Variants in STAU1 observed in about 807,000 individuals in gnomAD.
STAU1 encodes staufen double-stranded RNA binding protein 1.
STAU1 carries 13 observed loss-of-function variants against 62.9 expected under a neutral mutation model. That is an observed-to-expected ratio of 0.21 (90% confidence interval 0.13 to 0.33). The LOEUF is 0.33. STAU1 is among the 10% of genes least tolerant of loss of function. The probability of loss-of-function intolerance (pLI) is 1.00; values close to 1 mark genes in which losing one functional copy is unlikely to be tolerated. For synonymous variants in STAU1, 269 were observed against 265.1 expected (o/e 1.01, Z -0.14); for missense variants, 571 against 712.1 (o/e 0.80, Z 2.25).
In STAU1 at chr20:49,117,105, C is replaced by T; in HGVS notation, c.1632+21G>A. On this transcript the variant is annotated intron_variant, in intron 12 of 13. Coordinates refer to ENST00000371856, the MANE Select transcript of STAU1 (RefSeq NM_017453.4). The surrounding 1 kb of genome is among the most constrained non-coding windows in gnomAD (Gnocchi z 4.6). ...ACATAAACACACAACACCCCAATCCCTCACCCAAGGTGTGACGTACCATAT... is the reference window on the plus strand; with the variant it reads ...ACATAAACACACAACACCCCAATCCTTCACCCAAGGTGTGACGTACCATAT... The T allele has an allele frequency of 6.2e-7, 1 of 1,613,474 alleles. No homozygotes were observed. The highest frequency in any genetic ancestry group is 8.5e-7 in the Non-Finnish European group (1 of 1,179,644).
chr20:49,184,481 A>G (rs2146617903), intron 1 of STAU1, among the ~76,000 whole-genome samples: 1 of 152,270 alleles, frequency 6.6e-6, no homozygotes, highest in Non-Finnish European at 1.5e-5. Flanking sequence ...GGAAATCAAG[A>G]GTACCCAGAG....
At chr20:49,164,460 AT>A (rs34364571) in intron 3 of STAU1, among the ~76,000 whole-genome samples, 177 of 145,700 alleles carry the variant, frequency 1.2e-3, no homozygotes, top group African/African-American at 3.7e-3. Context: ...CAATTTTTGT[AT>A]TTTTTTTTTT....
chr20:49,166,823 T>G (rs1310369268), intron 2 of STAU1, among the ~76,000 whole-genome samples: 1 of 152,154 alleles, frequency 6.6e-6, no homozygotes, highest in African/African-American at 2.4e-5. Flanking sequence ...TTTCTTTTTC[T>G]TTATGGTGAT....
At chr20:49,181,007 C>T (rs1328291079) in intron 1 of STAU1, among the ~76,000 whole-genome samples, 2 of 152,164 alleles carry the variant, frequency 1.3e-5, no homozygotes, top group Non-Finnish European at 2.9e-5. Flanking sequence ...GCCAGACCAG[C>T]CTGTGCTCTA....
chr20:49,150,366 ATT>A (rs11475781), intron 5 of STAU1, among the ~76,000 whole-genome samples: 6 of 145,182 alleles, frequency 4.1e-5, no homozygotes, highest in South Asian at 2.2e-4. Context: ...TTTTACCTCC[ATT>A]TTTTTTTTTT....
At chr20:49,182,357 G>T (rs745571576) in intron 1 of STAU1, among the ~76,000 whole-genome samples, 6 of 152,116 alleles carry the variant, frequency 3.9e-5, no homozygotes, top group Non-Finnish European at 8.8e-5. Context: ...CTGCAGTAAG[G>T]TTTTCTAGTT....
the STAU1 span, among the ~76,000 whole-genome samples, chr20:49,203,630 C>T: frequency 6.6e-6 from 1 of 152,126 alleles, no homozygotes; most frequent in African/African-American, 2.4e-5. Flanking sequence ...TTTAAATATG[C>T]ATATATAATT....
intron 2 of STAU1, among the ~76,000 whole-genome samples, chr20:49,172,990 G>A (rs368306834): frequency 4.7e-5 from 7 of 150,104 alleles, no homozygotes; most frequent in African/African-American, 1.7e-4. Context: ...CCATTCTCCC[G>A]CCCCCCAACA....
chr20:49,211,657 G>A, the STAU1 span, among the ~76,000 whole-genome samples: 3 of 151,914 alleles, frequency 2.0e-5, no homozygotes, highest in Non-Finnish European at 2.9e-5. Context: ...AGAGGCACAT[G>A]ACACCACACC....
At chr20:49,177,892 A>C (rs948898827) in intron 1 of STAU1, among the ~76,000 whole-genome samples, 4 of 152,072 alleles carry the variant, frequency 2.6e-5, no homozygotes, top group Non-Finnish European at 4.4e-5. Context: ...ACAAACATTC[A>C]TGTTTTGGCC....
In STAU1 at chr20:49,120,055, T is replaced by G. The variant is rs772776840; in HGVS notation, c.1040A>C (p.Asn347Thr). 1 of 1,614,196 alleles carries G rather than the reference T, an allele frequency of 6.2e-7. No homozygotes were observed. The highest frequency in any genetic ancestry group is 8.5e-7 in the Non-Finnish European group (1 of 1,180,030). ...TTTGAAACCAAGGATCTCCAGCATG[T>G]TCTCGGCTGCATTGCGCTTGGCCAC... ...KKVAKRNAAE[N>T]MLEILGFKVP... The change falls in exon 9 of 14, where the codon AAC becomes ACC. Residue 347 changes from asparagine (N) to threonine (T), a missense_variant. Transcript: ENST00000371856.
chr20:49,170,170 G>C (rs1021015467), intron 2 of STAU1, among the ~76,000 whole-genome samples: 2 of 152,140 alleles, frequency 1.3e-5, no homozygotes, highest in African/African-American at 2.4e-5. Flanking sequence ...AGACCATACT[G>C]AGCACAGTCC....
intron 3 of STAU1, chr20:49,159,148 T>TAAAA (rs71184267): frequency 2.1e-6 from 2 of 949,184 alleles, no homozygotes; most frequent in Non-Finnish European, 2.6e-6. Flanking sequence ...GGGAAAAAGC[T>TAAAA]AAAAAAAAAA....
chr20:49,205,027 G>C, the STAU1 span, among the ~76,000 whole-genome samples: 1 of 152,016 alleles, frequency 6.6e-6, no homozygotes, highest in African/African-American at 2.4e-5. Context: ...ATGGGCTCAA[G>C]GGTAATTGAG....
chr20:49,124,971 A>G (rs543073563), intron 6 of STAU1, among the ~76,000 whole-genome samples: 4 of 151,454 alleles, frequency 2.6e-5, no homozygotes, highest in Admixed American at 6.6e-5. Context: ...GCCTCCAGCC[A>G]GGACTAGGCC....
At chr20:49,151,860 T>C in intron 4 of STAU1, 113 bp from the exon 5 acceptor site, 1 of 899,660 alleles carries the variant, frequency 1.1e-6, no homozygotes, top group Non-Finnish European at 1.6e-6. Context: ...CATTAGTGTT[T>C]GATGCTAATC....
chr20:49,197,806 A>G, the STAU1 span, among the ~76,000 whole-genome samples: 1 of 152,078 alleles, frequency 6.6e-6, no homozygotes, highest in Non-Finnish European at 1.5e-5. Context: ...CCTAGGTTGA[A>G]GCAAACTTCC....
At chr20:49,204,250 A>G in the STAU1 span, among the ~76,000 whole-genome samples, 2 of 151,824 alleles carry the variant, frequency 1.3e-5, no homozygotes, top group Non-Finnish European at 2.9e-5. Context: ...CAGCCTCCCA[A>G]GTAGCTGGTG....
chr20:49,129,280 A>ATTTTTTTTTTTTTTTTTTTT (rs71184264), intron 6 of STAU1, among the ~76,000 whole-genome samples: 1 of 87,928 alleles, frequency 1.1e-5, no homozygotes, highest in Non-Finnish European at 2.0e-5. Flanking sequence ...TTAAAAAAAA[A>ATTTTTTTTTTTTTTTTTTTT]TTTTTTTTTT....
Sources: allele counts gnomAD v4.1 joint callset (sites outside exome capture counted in the v4.1 genomes callset), GRCh38; gene constraint gnomAD v4.1.1; non-coding constraint Gnocchi (gnomAD v3.1); transcripts MANE v1.5; gene names NCBI Gene and HGNC (gene_info 2026-07-23, HGNC 2026-07-21).